AK4: variants seen among roughly 807,000 people sequenced by gnomAD.
The protein encoded by AK4 is adenylate kinase 4.
A neutral mutation model predicts 24.6 loss-of-function variants in AK4; 13 were observed. The ratio of observed to expected loss-of-function variants is 0.53; its 90% CI spans 0.34 to 0.84. AK4 has a LOEUF of 0.84. AK4 is among the 40% of genes least tolerant of loss of function. The pLI is 0.01. For missense variants in AK4, 192 were observed against 288.2 expected, an observed-to-expected ratio of 0.67 and a Z score of 2.42; for synonymous variants, 88 against 107.0, an observed-to-expected ratio of 0.82 and a Z score of 1.10.
At chr1:65,174,278 G>GT (rs377658152) in intron 1 of AK4, among the ~76,000 whole-genome samples, 100 of 147,992 alleles carry the variant, frequency 6.8e-4, no homozygotes, top group African/African-American at 1.7e-3. Context: ...CACTCTAGTT[G>GT]TTTTTTTTTT....
intron 1 of AK4, among the ~76,000 whole-genome samples, chr1:65,149,407 G>A (rs1309076201): frequency 6.6e-6 from 1 of 152,154 alleles, no homozygotes; most frequent in Admixed American, 6.6e-5. Flanking sequence ...CACCAGTTCC[G>A]AAAGAATTGG....
Position 65,172,094 on chromosome 1 carries a change from TATATATATA to T in AK4, c.146-18615_146-18607del, listed in dbSNP as rs1557444557. On this transcript the variant is annotated intron_variant, in intron 1 of 4. Coordinates refer to ENST00000327299, the MANE Select transcript of AK4 (RefSeq NM_013410.4). ...ATATATATATATATATATATATATATATATATATATTTAAACTCATTACACTTCCCAAAT... is the reference window on the plus strand; with the variant it reads ...ATATATATATATATATATATATATATTTTAAACTCATTACACTTCCCAAAT... Among the ~76,000 whole-genome samples, 11 of 111,332 alleles carry T rather than the reference TATATATATA, an allele frequency of 9.9e-5. No individual in the cohort carries two copies. The East Asian group carries it at 1.3e-3, about 14-fold the overall frequency. 73.0% of individuals were successfully genotyped at this position (111,332 alleles called of 152,430 possible).
intron 1 of AK4, among the ~76,000 whole-genome samples, chr1:65,152,960 T>C (rs1190066085): frequency 6.6e-6 from 1 of 152,210 alleles, no homozygotes; most frequent in Non-Finnish European, 1.5e-5. Flanking sequence ...TCAATAGTTA[T>C]CCTTTTTATA....
chr1:65,177,552 G>A (rs1023340744), intron 1 of AK4, among the ~76,000 whole-genome samples: 3 of 152,104 alleles, frequency 2.0e-5, no homozygotes, highest in Admixed American at 6.6e-5. Context: ...TGTTAAAAAC[G>A]GTAAATTGTT....
At chr1:65,167,501 T>G (rs1421146154) in intron 1 of AK4, among the ~76,000 whole-genome samples, 1 of 150,686 alleles carries the variant, frequency 6.6e-6, no homozygotes, top group Non-Finnish European at 1.5e-5. Flanking sequence ...GTGGCTTAGT[T>G]TAAAAAAAAA....
intron 1 of AK4, among the ~76,000 whole-genome samples, chr1:65,154,844 T>C (rs1017910161): frequency 7.1e-6 from 1 of 141,476 alleles, no homozygotes; most frequent in African/African-American, 2.9e-5. Context: ...ACTTAAATCA[T>C]AGGGAGAATT....
At chr1:65,204,603 C>T (rs1301892046) in intron 2 of AK4, among the ~76,000 whole-genome samples, 1 of 152,178 alleles carries the variant, frequency 6.6e-6, no homozygotes, top group Non-Finnish European at 1.5e-5. Flanking sequence ...ATATTAATTC[C>T]TGTGAGAGCT....
At chr1:65,214,691 T>C (rs1479069857) in intron 2 of AK4, among the ~76,000 whole-genome samples, 2 of 152,230 alleles carry the variant, frequency 1.3e-5, no homozygotes, top group African/African-American at 4.8e-5. Flanking sequence ...CACCCAGATC[T>C]TTGACTTATT....
intron 2 of AK4, among the ~76,000 whole-genome samples, chr1:65,201,124 AG>A (rs1440659740): frequency 4.6e-5 from 7 of 152,154 alleles, no homozygotes; most frequent in Non-Finnish European, 1.0e-4. Flanking sequence ...CTAGGCAGTG[AG>A]GGTTATCTTT....
rs376603965 is a variant in AK4 at position 65,164,038 on chromosome 1, T to C, written c.145+15486T>C. Among the ~76,000 whole-genome samples, 44 of 152,184 alleles carry C rather than the reference T, an allele frequency of 2.9e-4. 1 individual carries two copies. Among genetic ancestry groups the C allele is most frequent in the African/African-American group, 9.9e-4 (41 of 41,528 alleles). ...GAGTGATGTTATCCCCAGGAGCAAT[T>C]TGGGGAGGTTTGGACTCTTGGAGCC... On this transcript the variant is annotated intron_variant, in intron 1 of 4. Transcript: ENST00000327299.
At chr1:65,160,866 A>T (rs1299488522) in intron 1 of AK4, among the ~76,000 whole-genome samples, 1 of 152,182 alleles carries the variant, frequency 6.6e-6, no homozygotes, top group African/African-American at 2.4e-5. Context: ...AAATGCTGGA[A>T]TTACAGGTGT....
At chr1:65,178,811 C>T (rs1650806244) in intron 1 of AK4, among the ~76,000 whole-genome samples, 1 of 152,128 alleles carries the variant, frequency 6.6e-6, no homozygotes, top group Non-Finnish European at 1.5e-5. Context: ...GACTCTGTGC[C>T]TGGCACAGAC....
chr1:65,204,593 A>T (rs1003961309), intron 2 of AK4, among the ~76,000 whole-genome samples: 28 of 152,202 alleles, frequency 1.8e-4, no homozygotes, highest in Non-Finnish European at 2.9e-5. Context: ...ATCACCAAGG[A>T]TATTAATTCC....
intron 1 of AK4, among the ~76,000 whole-genome samples, chr1:65,166,281 AATGGAAGCACAATCCAGTGGG>A (rs1650325754): frequency 6.7e-6 from 1 of 149,756 alleles, no homozygotes; most frequent in African/African-American, 2.5e-5. Context: ...TGGTGCTTTG[AATGGAAGCACAATCCAGTGGG>A]ATTTAAGCTG....
chr1:65,209,504 G>T (rs1394863505), intron 2 of AK4, among the ~76,000 whole-genome samples: 1 of 152,242 alleles, frequency 6.6e-6, no homozygotes, highest in African/African-American at 2.4e-5. Context: ...CAGTTGGTCA[G>T]TGATCCCTGC....
At chr1:65,166,470 G>T (rs1650333023) in intron 1 of AK4, among the ~76,000 whole-genome samples, 1 of 152,046 alleles carries the variant, frequency 6.6e-6, no homozygotes, top group Non-Finnish European at 1.5e-5. Context: ...AAAAATATTT[G>T]CATTAAAGTT....
At chr1:65,204,164 A>G (rs1433452283) in intron 2 of AK4, among the ~76,000 whole-genome samples, 4 of 152,050 alleles carry the variant, frequency 2.6e-5, no homozygotes, top group Admixed American at 2.6e-4. Context: ...AGAAGGCATC[A>G]GACTTTATAT....
intron 1 of AK4, among the ~76,000 whole-genome samples, chr1:65,152,316 ATCTCTCTCTCTCTCTCTCTCTCTC>A (rs1158775260): frequency 6.2e-5 from 2 of 32,472 alleles, no homozygotes; most frequent in African/African-American, 1.9e-4. Flanking sequence ...TGCACTTGCT[ATCTCTCTCTCTCTCTCTCTCTCTC>A]TCTCTCTCTC....
intron 1 of AK4, among the ~76,000 whole-genome samples, chr1:65,163,372 A>G (rs2100996326): frequency 6.6e-6 from 1 of 152,384 alleles, no homozygotes; most frequent in Admixed American, 6.5e-5. Context: ...CAGTACAGCC[A>G]CATGGTGGAA....
Sources: allele counts gnomAD v4.1 joint callset (sites outside exome capture counted in the v4.1 genomes callset), GRCh38; gene constraint gnomAD v4.1.1; transcripts MANE v1.5; gene names NCBI Gene and HGNC (gene_info 2026-07-23, HGNC 2026-07-21).